COBL: variants seen among roughly 807,000 people sequenced by gnomAD.
The protein encoded by COBL is cordon-bleu WH2 repeat protein, also known as protein cordon-bleu.
A neutral mutation model predicts 98.8 loss-of-function variants in COBL; 51 were observed. That is an observed-to-expected ratio of 0.52 (90% confidence interval 0.41 to 0.65). The LOEUF (loss-of-function observed/expected upper bound fraction) is 0.65, where lower values mean the gene tolerates loss of function less well. COBL is among the 30% of genes least tolerant of loss of function. The pLI, the probability that COBL is intolerant of heterozygous loss-of-function variation, is 0.00. For synonymous variants in COBL, 634 were observed against 651.7 expected (o/e 0.97, Z 0.41); for missense variants, 1,617 against 1,617.5 (o/e 1.00, Z 0.01).
intron 7 of COBL, among the ~76,000 whole-genome samples, chr7:51,066,226 C>T (rs61589830): frequency 0.3 from 45,777 of 152,136 alleles, 7,724 homozygotes; most frequent in East Asian, 0.46. Context: ...AGTCAAGCCC[C>T]TCCTTCCTGG....
chr7:51,241,415 A>T (rs994190674), intron 1 of COBL, among the ~76,000 whole-genome samples: 1 of 152,160 alleles, frequency 6.6e-6, no homozygotes, highest in Non-Finnish European at 1.5e-5. Context: ...ATCTCCCCAC[A>T]GGCACTCAGT....
Position 51,024,768 on chromosome 7 carries a change from A to G in COBL, c.3768+341T>C, listed in dbSNP as rs537711646. On this transcript the variant is annotated intron_variant, in intron 12 of 12. Coordinates refer to ENST00000265136, the MANE Select transcript of COBL (RefSeq NM_015198.5). Reference sequence around the variant, plus strand: ...TGCTCTGTGGGGCCCCAAATGGATGATCTTCCATCCTCTCCATGGACCAGT... The same window carrying G: ...TGCTCTGTGGGGCCCCAAATGGATGGTCTTCCATCCTCTCCATGGACCAGT... 6.6e-5 allele frequency among the ~76,000 whole-genome samples: 10 copies of G among 152,276 alleles called. No individual in the cohort carries two copies. In the East Asian group the frequency reaches 1.9e-3, roughly 29 times the overall value.
At chr7:51,082,670 T>C (rs6971806) in intron 7 of COBL, among the ~76,000 whole-genome samples, 142,448 of 152,278 alleles carry the variant, frequency 0.94, 66,808 homozygotes, top group Non-Finnish European at 0.96. Flanking sequence ...TTGAGTGCGA[T>C]CTCTACAGGT....
rs114356546 is a variant in COBL at position 51,055,010 on chromosome 7, G to A, written c.1097-11318C>T. Among the ~76,000 whole-genome samples, 1,469 of 152,314 alleles carry A rather than the reference G, an allele frequency of 9.6e-3. 21 individuals carry two copies. Among genetic ancestry groups the A allele is most frequent in the Middle Eastern group, 0.048 (14 of 294 alleles). Reference sequence around the variant, plus strand: ...AGTTGAGGGGACAGATGGGGAGCCAGGAGACAGGGGGTGCCTTTTAGGAGC... The same window carrying A: ...AGTTGAGGGGACAGATGGGGAGCCAAGAGACAGGGGGTGCCTTTTAGGAGC... On this transcript the variant is annotated intron_variant, in intron 7 of 12. Transcript: ENST00000265136.
At chr7:51,285,471 T>C (rs1800272099) in intron 1 of COBL, among the ~76,000 whole-genome samples, 1 of 151,758 alleles carries the variant, frequency 6.6e-6, no homozygotes, top group South Asian at 2.1e-4. Flanking sequence ...ATCAAGTATA[T>C]TTCTATACTA....
chr7:51,208,658 T>C (rs1253242208), intron 2 of COBL, among the ~76,000 whole-genome samples: 1 of 152,186 alleles, frequency 6.6e-6, no homozygotes, highest in African/African-American at 2.4e-5. Flanking sequence ...AATCGGATGG[T>C]TGCCGTGTCT....
At chr7:51,111,790 G>T (rs1258130573) in intron 6 of COBL, among the ~76,000 whole-genome samples, 3 of 152,218 alleles carry the variant, frequency 2.0e-5, no homozygotes, top group Admixed American at 2.0e-4. Context: ...ACTGTGCAGT[G>T]CCAGCCAGGG....
chr7:51,165,209 G>T (rs1787185712), intron 5 of COBL, among the ~76,000 whole-genome samples: 2 of 151,906 alleles, frequency 1.3e-5, no homozygotes, highest in South Asian at 4.2e-4. Flanking sequence ...CCACTGATCT[G>T]TTGCCTACAA....
At chr7:51,024,075 C>T (rs1423384071) in intron 12 of COBL, among the ~76,000 whole-genome samples, 1 of 152,036 alleles carries the variant, frequency 6.6e-6, no homozygotes, top group African/African-American at 2.4e-5. Context: ...TTTGGGAGGC[C>T]GAGACAGGCG....
intron 7 of COBL, among the ~76,000 whole-genome samples, chr7:51,078,944 A>G (rs1388925217): frequency 6.6e-6 from 1 of 152,238 alleles, no homozygotes; most frequent in African/African-American, 2.4e-5. Context: ...TGAGCAAGTG[A>G]GCGAGGGTGC....
Position 51,083,308 on chromosome 7 carries a change from G to A in COBL, c.1096+1858C>T, listed in dbSNP as rs918805604. 4.6e-6 allele frequency: 5 copies of A among 1,097,120 alleles called. No homozygotes were observed. In the African/African-American group the frequency reaches 6.4e-5, roughly 14 times the overall value. 68.0% of individuals were successfully genotyped at this position (1,097,120 alleles called of 1,614,324 possible). A position where few individuals can be genotyped will look rare whatever the true frequency, so the allele number is the denominator to read the frequency against. Reference sequence around the variant, plus strand: ...CTAGGCACCAAATCCAACCTCACTGGGCACCAGATCCAGCCACACTCAACA... The same window carrying A: ...CTAGGCACCAAATCCAACCTCACTGAGCACCAGATCCAGCCACACTCAACA... On this transcript the variant is annotated intron_variant, in intron 7 of 12. Transcript: ENST00000265136.
rs1583974759 is a variant in COBL at position 51,151,154 on chromosome 7, G to C, written c.784-14823C>G. ...ATCCTCGGCTCTTTCCCATACTATTGTCAAATCCTATCTCAGTTCAGCTGC... is the reference window on the plus strand; with the variant it reads ...ATCCTCGGCTCTTTCCCATACTATTCTCAAATCCTATCTCAGTTCAGCTGC... On this transcript the variant is annotated intron_variant, in intron 5 of 12. Transcript: ENST00000265136. Among the ~76,000 whole-genome samples the C allele has an allele frequency of 4.0e-5, 6 of 150,240 alleles. No individual in the cohort carries two copies. In the East Asian group the frequency reaches 7.9e-4, roughly 20 times the overall value.
intron 6 of COBL, among the ~76,000 whole-genome samples, chr7:51,121,574 G>T (rs925674313): frequency 1.3e-5 from 2 of 152,188 alleles, no homozygotes. Context: ...GAAGCTGAAG[G>T]TTAGTTAACC....
chr7:51,073,716 G>A (rs934718235), intron 7 of COBL, among the ~76,000 whole-genome samples: 2 of 152,074 alleles, frequency 1.3e-5, no homozygotes, highest in African/African-American at 4.8e-5. Context: ...GCCGAGACAC[G>A]AAGCAGCTGG....
chr7:51,104,146 A>G (rs181702136), intron 6 of COBL, among the ~76,000 whole-genome samples: 44 of 152,386 alleles, frequency 2.9e-4, no homozygotes, highest in Admixed American at 1.3e-3. Flanking sequence ...TAAATCCTCA[A>G]TACCTAATGT....
chr7:51,141,354 G>A lies in COBL; in HGVS notation c.784-5023C>T, dbSNP rs550726291. 5.8e-4 allele frequency among the ~76,000 whole-genome samples: 88 copies of A among 152,322 alleles called. 2 individuals are homozygous for A. The highest frequency in any genetic ancestry group is 1.9e-4 in the East Asian group (1 of 5,174). ...CTGGCAATCAACAATCCTCTCAGCA[G>A]AGGCTCTTCTAAATGGGATCAGATC... On this transcript the variant is annotated intron_variant, in intron 5 of 12. Coordinates refer to ENST00000265136, the MANE Select transcript of COBL (RefSeq NM_015198.5).
At chr7:51,290,220 C>G (rs1360080523) in intron 1 of COBL, among the ~76,000 whole-genome samples, 2 of 152,198 alleles carry the variant, frequency 1.3e-5, no homozygotes, top group Non-Finnish European at 2.9e-5. Context: ...ATGGGCAAGT[C>G]ACAATGCCAG....
intron 2 of COBL, 101 bp from the exon 3 acceptor site, chr7:51,193,690 C>T (rs1160558538): frequency 6.1e-6 from 6 of 986,748 alleles, no homozygotes; most frequent in South Asian, 1.5e-5. Context: ...GATGAATGAG[C>T]AAATTAGATA....
intron 1 of COBL, among the ~76,000 whole-genome samples, chr7:51,233,969 T>G (rs1795001924): frequency 6.6e-6 from 1 of 152,220 alleles, no homozygotes; most frequent in Admixed American, 6.5e-5. Context: ...TTTCACTGCT[T>G]AAAATAAATG....
Sources: gnomAD v4.1 joint callset for allele counts (sites outside exome capture counted in the v4.1 genomes callset) on GRCh38, gnomAD v4.1.1 for gene constraint, MANE v1.5 for transcripts, NCBI Gene and HGNC (gene_info 2026-07-23, HGNC 2026-07-21) for gene names.